The following EVC2 variants were observed in gnomAD, a reference collection of about 807,000 sequenced individuals.
The protein encoded by EVC2 is EvC ciliary complex subunit 2.
In EVC2, 148 loss-of-function variants were observed where a neutral mutation model predicts 149.3. That is an observed-to-expected ratio of 0.99 (90% confidence interval 0.87 to 1.14). The LOEUF (loss-of-function observed/expected upper bound fraction) is 1.14, where lower values mean the gene tolerates loss of function less well. Among genes scored for constraint, EVC2 ranks in the 50% most tolerant of loss-of-function variants. The probability of loss-of-function intolerance (pLI) is 0.00; values close to 1 mark genes in which losing one functional copy is unlikely to be tolerated. For missense variants in EVC2, 1,854 were observed against 1,627.3 expected, an observed-to-expected ratio of 1.14 and a Z score of -2.40; for synonymous variants, 776 against 649.9, an observed-to-expected ratio of 1.19 and a Z score of -2.95.
chr4:5,650,361 C>T (rs1718017684), intron 9 of EVC2, among the ~76,000 whole-genome samples: 1 of 151,970 alleles, frequency 6.6e-6, no homozygotes, highest in African/African-American at 2.4e-5. Flanking sequence ...TCACACATAT[C>T]CTAATCAACT....
At chr4:5,642,010 A>C (rs1264036769) in intron 9 of EVC2, among the ~76,000 whole-genome samples, 1 of 151,756 alleles carries the variant, frequency 6.6e-6, no homozygotes, top group Non-Finnish European at 1.5e-5. Flanking sequence ...TCATTGTTCA[A>C]CTCCCACTTA....
chr4:5,660,050 C>T (rs73065626), intron 9 of EVC2, among the ~76,000 whole-genome samples: 12,138 of 152,254 alleles, frequency 0.08, 565 homozygotes, highest in African/African-American at 0.12. Flanking sequence ...CCAATAACTT[C>T]GTCTCCCATT....
At chr4:5,615,590 C>G (rs1484571286) in intron 15 of EVC2, 46 bp from the exon 16 acceptor site, 11 of 1,613,776 alleles carry the variant, frequency 6.8e-6, no homozygotes, top group Non-Finnish European at 8.5e-6. Flanking sequence ...CAATCACCAG[C>G]AAGTCCATGC....
intron 9 of EVC2, among the ~76,000 whole-genome samples, chr4:5,656,754 G>C (rs986897589): frequency 1.3e-5 from 2 of 152,232 alleles, no homozygotes; most frequent in African/African-American, 4.8e-5. Context: ...TCAGCCCAGA[G>C]AAAGTGATTT....
intron 16 of EVC2, among the ~76,000 whole-genome samples, chr4:5,588,354 T>G (rs1015647333): frequency 6.6e-6 from 1 of 152,226 alleles, no homozygotes; most frequent in African/African-American, 2.4e-5. Flanking sequence ...AATTTGATTA[T>G]GATGCACCTT....
At chr4:5,591,315 C>T (rs900505991) in intron 16 of EVC2, among the ~76,000 whole-genome samples, 2 of 152,232 alleles carry the variant, frequency 1.3e-5, no homozygotes, top group Non-Finnish European at 2.9e-5. Context: ...GGCCACCCTG[C>T]AGGCTACAAC....
chr4:5,642,664 C>T (rs1717425727), intron 9 of EVC2, among the ~76,000 whole-genome samples: 1 of 152,206 alleles, frequency 6.6e-6, no homozygotes, highest in African/African-American at 2.4e-5. Context: ...AGTCTCCTGG[C>T]ACATCCAGAC....
At chr4:5,602,240 T>C (rs1714037777) in intron 16 of EVC2, among the ~76,000 whole-genome samples, 1 of 144,896 alleles carries the variant, frequency 6.9e-6, no homozygotes, top group African/African-American at 2.6e-5. Context: ...CAGTGAGCTA[T>C]GACTGTGCCA....
At chr4:5,619,179 CA>C (rs1395540107) in intron 14 of EVC2, among the ~76,000 whole-genome samples, 12 of 152,122 alleles carry the variant, frequency 7.9e-5, no homozygotes, top group African/African-American at 2.2e-4. Context: ...TGCTGGGAAC[CA>C]TGCTGAGTGA....
rs1180388280 is a variant in EVC2 at position 5,670,603 on chromosome 4, ATCACCATCATCT to A, written c.871-4966_871-4955del. On this transcript the variant is annotated intron_variant, in intron 7 of 21. Transcript: ENST00000344408. The surrounding 1 kb of genome is among the most constrained non-coding windows in gnomAD (Gnocchi z 5.2). ...CACTATCAACATCATCAATATCACC[ATCACCATCATCT>A]TCACCATCACCATCACTACCATCAT... Among the ~76,000 whole-genome samples the A allele has an allele frequency of 5.9e-5, 9 of 152,004 alleles. No homozygotes were observed. Among genetic ancestry groups the A allele is most frequent in the Admixed American group, 5.9e-4 (9 of 15,264 alleles).
intron 19 of EVC2, among the ~76,000 whole-genome samples, chr4:5,571,506 T>C (rs2108774008): frequency 6.6e-6 from 1 of 152,062 alleles, no homozygotes; most frequent in East Asian, 1.9e-4. Flanking sequence ...CACAGCTCTC[T>C]AGGCAAAGGA....
intron 16 of EVC2, among the ~76,000 whole-genome samples, chr4:5,604,244 G>A (rs1311597515): frequency 1.3e-5 from 2 of 152,188 alleles, no homozygotes; most frequent in Non-Finnish European, 2.9e-5. Flanking sequence ...ACAGTGAAAT[G>A]CTATGCCGCT....
At chr4:5,534,694 T>G in the EVC2 span, among the ~76,000 whole-genome samples, 1 of 152,098 alleles carries the variant, frequency 6.6e-6, no homozygotes. Flanking sequence ...ATTCTTTAGA[T>G]GCAATTGCGT....
chr4:5,582,911 C>T (rs1711931388), intron 17 of EVC2, among the ~76,000 whole-genome samples: 1 of 152,174 alleles, frequency 6.6e-6, no homozygotes, highest in Non-Finnish European at 1.5e-5. Flanking sequence ...GACATGCCTG[C>T]TTCCCCTTCA....
chr4:5,533,811 T>C, the EVC2 span, among the ~76,000 whole-genome samples: 1 of 152,038 alleles, frequency 6.6e-6, no homozygotes, highest in Admixed American at 6.5e-5. Flanking sequence ...GGAGGTGATA[T>C]CTGAGCTGAA....
At chr4:5,697,545 G>C in intron 2 of EVC2, 48 bp downstream of exon 2, 1 of 1,600,588 alleles carries the variant, frequency 6.2e-7, no homozygotes, top group Non-Finnish European at 8.6e-7. Flanking sequence ...CAGGCTTCTG[G>C]TTTTTCATGC....
intron 16 of EVC2, among the ~76,000 whole-genome samples, chr4:5,605,558 A>G (rs1039825882): frequency 9.2e-5 from 14 of 152,216 alleles, no homozygotes; most frequent in Admixed American, 6.5e-5. Context: ...AATCATTGGT[A>G]AGTAAAACAT....
At chr4:5,682,911 T>A (rs1720448557) in intron 6 of EVC2, among the ~76,000 whole-genome samples, 1 of 150,694 alleles carries the variant, frequency 6.6e-6, no homozygotes, top group Non-Finnish European at 1.5e-5. Flanking sequence ...TGCAGCCCAG[T>A]GAGCTCAGCA....
At chr4:5,568,673 C>A in intron 19 of EVC2, 33 bp from the exon 20 acceptor site, 1 of 1,590,982 alleles carries the variant, frequency 6.3e-7, no homozygotes, top group Non-Finnish European at 8.5e-7. Context: ...TTCAGACCCT[C>A]GCCGCCTCTC....
Sources: allele counts gnomAD v4.1 joint callset (sites outside exome capture counted in the v4.1 genomes callset), GRCh38; gene constraint gnomAD v4.1.1; non-coding constraint Gnocchi (gnomAD v3.1); transcripts MANE v1.5; gene names NCBI Gene and HGNC (gene_info 2026-07-23, HGNC 2026-07-21).